Variants in BOC observed in about 807,000 individuals in gnomAD.
BOC encodes the protein brother of CDO.
A neutral mutation model predicts 112.0 loss-of-function variants in BOC; 76 were observed. That is an observed-to-expected ratio of 0.68 (90% CI 0.56 to 0.82). The LOEUF (loss-of-function observed/expected upper bound fraction) is 0.82, where lower values mean the gene tolerates loss of function less well. Ranked by LOEUF, BOC falls within the 40% of genes least tolerant of loss-of-function variation. The probability of loss-of-function intolerance (pLI) is 0.00; values close to 1 mark genes in which losing one functional copy is unlikely to be tolerated. For missense variants in BOC, 1,309 were observed against 1,511.7 expected (o/e 0.87, Z 2.22); for synonymous variants, 580 against 599.8 (o/e 0.97, Z 0.48).
chr3:113,287,101 C>T lies in BOC; in HGVS notation c.*239C>T, dbSNP rs759507167. 1.3e-5 allele frequency: 7 copies of T among 540,734 alleles called. No individual in the cohort carries two copies. The highest frequency in any genetic ancestry group is 7.6e-5 in the South Asian group (5 of 65,424). The allele number at this position is 540,734 out of a possible 1,614,324, so 33.5% of individuals were successfully genotyped here. On this transcript the variant is annotated 3_prime_UTR_variant, in exon 20 of 20. Coordinates refer to ENST00000682979, the MANE Select transcript of BOC (RefSeq NM_001378074.1). ...ACCTAACAGGAGTCACCCAGGAAAG[C>T]ACCGCACAGGCTGGCGCGGGACAGA...
intron 2 of BOC, among the ~76,000 whole-genome samples, chr3:113,229,263 G>A (rs1008447716): frequency 6.6e-6 from 1 of 152,200 alleles, no homozygotes; most frequent in South Asian, 2.1e-4. Flanking sequence ...AGAGGATGTT[G>A]GGACCCTTGG....
chr3:113,250,513 T>C, intron 3 of BOC, 42 bp from the exon 4 acceptor site: 1 of 1,554,246 alleles, frequency 6.4e-7, no homozygotes. Flanking sequence ...GTTGTTTTCT[T>C]GGGGGCATCA....
intron 4 of BOC, 54 bp downstream of exon 4, chr3:113,250,887 C>T: frequency 6.3e-7 from 1 of 1,594,108 alleles, no homozygotes; most frequent in Non-Finnish European, 8.5e-7. Flanking sequence ...TCATCTCTCC[C>T]ACCCTGAAGC....
rs2107711941 is a variant in BOC at position 113,279,320 on chromosome 3, C to T, written c.1888C>T (p.Arg630Cys). ...CTCAGTGTACGTGACCTGGATTCCCCGTGGGAATGGTGGGTTCCCAATCCA... is the reference window on the plus strand; with the variant it reads ...CTCAGTGTACGTGACCTGGATTCCCTGTGGGAATGGTGGGTTCCCAATCCA... The part of the protein sequence containing the change: ...ETSVYVTWIP[R>C]GNGGFPIQSF... The change falls in exon 12 of 20, where the codon CGT becomes TGT. Residue 630 changes from arginine to cysteine, a missense_variant. Physicochemically the swap from Arg to Cys is radical, Grantham distance 180. Coordinates refer to ENST00000682979, the MANE Select transcript of BOC (RefSeq NM_001378074.1). 10 of 1,614,172 alleles carry T rather than the reference C, an allele frequency of 6.2e-6. No individual in the cohort carries two copies. The highest frequency in any genetic ancestry group is 4.5e-5 in the East Asian group (2 of 44,870).
In BOC at chr3:113,252,617, A is replaced by G. The variant is rs183871517; in HGVS notation, c.376+1784A>G. 1.1e-4 allele frequency among the ~76,000 whole-genome samples: 17 copies of G among 152,250 alleles called. 1 individual carries two copies. The highest frequency in any genetic ancestry group is 6.8e-3 in the Middle Eastern group (2 of 294). ...GAGCTTCACTCTGTGGGTCAGTGGAATGGAGGCTGCCAGGATTCCTCTTTT... is the reference window on the plus strand; with the variant it reads ...GAGCTTCACTCTGTGGGTCAGTGGAGTGGAGGCTGCCAGGATTCCTCTTTT... On this transcript the variant is annotated intron_variant, in intron 4 of 19. Coordinates refer to ENST00000682979, the MANE Select transcript of BOC (RefSeq NM_001378074.1).
chr3:113,232,562 A>AGTGTGTGT (rs10696107), intron 2 of BOC, among the ~76,000 whole-genome samples: 2 of 149,330 alleles, frequency 1.3e-5, no homozygotes, highest in Non-Finnish European at 3.0e-5. Flanking sequence ...TTGCTGTGCG[A>AGTGTGTGT]GTGTGTGTGT....
At chr3:113,283,723 A>ACG in intron 16 of BOC, 91 bp downstream of exon 16, 1 of 1,271,822 alleles carries the variant, frequency 7.9e-7, no homozygotes, top group African/African-American at 1.5e-5. Context: ...GTCCATGGAA[A>ACG]GCTCAAGCCC....
intron 9 of BOC, among the ~76,000 whole-genome samples, chr3:113,276,331 A>G (rs1199662426): frequency 6.6e-6 from 1 of 152,194 alleles, no homozygotes; most frequent in Admixed American, 6.5e-5. Context: ...GACAGTGACT[A>G]ATTACCCTTC....
chr3:113,220,250 A>G (rs572438981), intron 2 of BOC, among the ~76,000 whole-genome samples: 2 of 152,190 alleles, frequency 1.3e-5, no homozygotes, highest in Admixed American at 1.3e-4. Flanking sequence ...CTACTGGCTT[A>G]GGAGAGTGAT....
rs781575174 is a variant in BOC at position 113,271,203 on chromosome 3, G to T, written c.667+259G>T. 465 of 651,776 alleles carry T rather than the reference G, an allele frequency of 7.1e-4. 6 individuals are homozygous for T. In the Middle Eastern group the frequency reaches 9.4e-3, roughly 13 times the overall value. 40.4% of individuals were successfully genotyped at this position (651,776 alleles called of 1,614,324 possible). On this transcript the variant is annotated intron_variant, in intron 6 of 19. Transcript: ENST00000682979. ...CTGCCTGATGGGAGGTTTCCTTCAC[G>T]GTTACTTTGCGATTGGGATGGGTCA...
At chr3:113,281,286 T>G (rs144170634) in intron 15 of BOC, 133 bp downstream of exon 15, 223 of 1,108,404 alleles carry the variant, frequency 2.0e-4, no homozygotes, top group Admixed American at 1.0e-3. Context: ...ACCCTCAGAC[T>G]TGGTCATGTT....
Position 113,284,414 on chromosome 3 carries a change from C to T in BOC, c.2736C>T (p.Leu912=). 3 of 1,614,252 alleles carry T rather than the reference C, an allele frequency of 1.9e-6. No individual in the cohort carries two copies. Among genetic ancestry groups the T allele is most frequent in the Non-Finnish European group, 2.5e-6 (3 of 1,180,038 alleles). The change falls in exon 17 of 20, where the codon CTC becomes CTT. Residue 912 remains leucine (L), a synonymous_variant. Coordinates refer to ENST00000682979, the MANE Select transcript of BOC (RefSeq NM_001378074.1). ...ATACTATGGTGCCATTGGGAGGACTCCCAGGCCACCAGGCCAGTGGACAGC... is the reference window on the plus strand; with the variant it reads ...ATACTATGGTGCCATTGGGAGGACTTCCAGGCCACCAGGCCAGTGGACAGC... ...CPYTMVPLGG[L]PGHQASGQPY...
intron 2 of BOC, among the ~76,000 whole-genome samples, chr3:113,233,846 C>T (rs1233894944): frequency 7.1e-6 from 1 of 140,490 alleles, no homozygotes; most frequent in Non-Finnish European, 1.5e-5. Context: ...TTATGTCCTG[C>T]CTGCCTTCTC....
Position 113,223,484 on chromosome 3 carries a change from T to TC in BOC, c.-82+7211dup, listed in dbSNP as rs112402428. 1.6e-3 allele frequency among the ~76,000 whole-genome samples: 241 copies of TC among 152,326 alleles called. 1 individual carries two copies. Among genetic ancestry groups the TC allele is most frequent in the African/African-American group, 5.3e-3 (220 of 41,578 alleles). On this transcript the variant is annotated intron_variant, in intron 2 of 19. Transcript: ENST00000682979. ...TAAAGTCCGTAGTTTACATTAGGGT[T>TC]CACTCTTTGTGTTGTACATTTACTG... is the stretch of plus-strand genomic sequence containing the variant.
chr3:113,247,980 A>G (rs1425764174), intron 2 of BOC, among the ~76,000 whole-genome samples: 5 of 152,252 alleles, frequency 3.3e-5, no homozygotes, highest in Admixed American at 6.5e-5. Flanking sequence ...CCCTTGTCCT[A>G]TCCCAGAGTA....
intron 2 of BOC, among the ~76,000 whole-genome samples, chr3:113,233,342 C>G (rs939010310): frequency 1.3e-5 from 2 of 151,934 alleles, no homozygotes; most frequent in Non-Finnish European, 2.9e-5. Context: ...TAAATGTGGG[C>G]CTAGGGCCAT....
chr3:113,270,243 G>A (rs1347398056), intron 5 of BOC: 1 of 144,102 alleles, frequency 6.9e-6, no homozygotes, highest in East Asian at 2.0e-4. Flanking sequence ...GGAGAATGAT[G>A]GGAAGCTCCA....
Position 113,273,172 on chromosome 3 carries a change from G to T in BOC, c.1065G>T (p.Leu355=). ...GTGGGAACCCCCCGCCCTCCGTGCT[G>T]TGGCTGAGGAATGCTGTGCCCCTCA... ...EVRGNPPPSV[L]WLRNAVPLIS... The change falls in exon 8 of 20, where the codon CTG becomes CTT. Residue 355 remains leucine, a synonymous_variant. Transcript: ENST00000682979. The T allele has an allele frequency of 6.2e-7, 1 of 1,614,078 alleles. No homozygotes were observed. Among genetic ancestry groups the T allele is most frequent in the East Asian group, 2.2e-5 (1 of 44,870 alleles).
intron 2 of BOC, among the ~76,000 whole-genome samples, chr3:113,247,369 G>A (rs939426550): frequency 1.3e-5 from 2 of 152,060 alleles, no homozygotes; most frequent in Non-Finnish European, 2.9e-5. Context: ...GCAAGTATCT[G>A]GAAAATTGAG....
Sources: allele counts gnomAD v4.1 joint callset (sites outside exome capture counted in the v4.1 genomes callset), GRCh38; gene constraint gnomAD v4.1.1; transcripts MANE v1.5; gene names NCBI Gene and HGNC (gene_info 2026-07-23, HGNC 2026-07-21).